WDFY3: variants seen among roughly 807,000 people sequenced by gnomAD.
WDFY3 encodes the protein WD repeat and FYVE domain-containing protein 3.
In WDFY3, 66 loss-of-function variants were observed where a neutral mutation model predicts 409.6. The ratio of observed to expected loss-of-function variants is 0.16; its 90% CI spans 0.13 to 0.20. WDFY3 has a LOEUF of 0.20. WDFY3 is among the 10% of genes least tolerant of loss of function. The probability of loss-of-function intolerance (pLI) is 1.00; values close to 1 mark genes in which losing one functional copy is unlikely to be tolerated. For synonymous variants in WDFY3, 1,521 were observed against 1,537.1 expected, an observed-to-expected ratio of 0.99 and a Z score of 0.25; for missense variants, 3,031 against 4,298.1, an observed-to-expected ratio of 0.71 and a Z score of 8.24.
chr4:84,817,629 AT>A (rs781755808), intron 12 of WDFY3, 44 bp from the exon 13 acceptor site: 1 of 1,502,878 alleles, frequency 6.7e-7, no homozygotes, highest in Admixed American at 2.1e-5. Flanking sequence ...ACTTTAAAAT[AT>A]TCTGAGACAA....
intron 1 of WDFY3, among the ~76,000 whole-genome samples, chr4:84,935,654 G>A (rs1033134109): frequency 1.3e-5 from 2 of 152,072 alleles, no homozygotes; most frequent in Non-Finnish European, 2.9e-5. Context: ...TTGAGATAAG[G>A]GAGCAGAAGC....
Position 84,789,859 on chromosome 4 carries a change from C to T in WDFY3, c.3536G>A (p.Cys1179Tyr). 1.9e-6 allele frequency: 3 copies of T among 1,614,022 alleles called. No homozygotes were observed. The highest frequency in any genetic ancestry group is 2.5e-6 in the Non-Finnish European group (3 of 1,180,020). The change falls in exon 22 of 68, where the codon TGT (cysteine) becomes TAT (tyrosine). Residue 1179 changes from cysteine to tyrosine, a missense_variant. Coordinates refer to ENST00000295888, the MANE Select transcript of WDFY3 (RefSeq NM_014991.6). ...AAGCTCTCCACATCGAAAGCGAGCACAGCATGGGAGAATTTCATAAAATGA... is the reference window on the plus strand; with the variant it reads ...AAGCTCTCCACATCGAAAGCGAGCATAGCATGGGAGAATTTCATAAAATGA... ...ESSFYEILPC[C>Y]ARFRCGELII...
intron 21 of WDFY3, among the ~76,000 whole-genome samples, chr4:84,791,001 C>T (rs1748424359): frequency 6.6e-6 from 1 of 151,978 alleles, no homozygotes; most frequent in Non-Finnish European, 1.5e-5. Flanking sequence ...CCCTTGCGCA[C>T]TGTTGGTGGG....
intron 3 of WDFY3, among the ~76,000 whole-genome samples, chr4:84,881,814 A>T (rs936247503): frequency 8.6e-5 from 13 of 151,896 alleles, no homozygotes; most frequent in African/African-American, 2.2e-4. Flanking sequence ...GCGGTGCGTG[A>T]AGGATGCAGT....
At chr4:84,870,311 G>A (rs1240798822) in intron 3 of WDFY3, among the ~76,000 whole-genome samples, 1 of 152,058 alleles carries the variant, frequency 6.6e-6, no homozygotes, top group Non-Finnish European at 1.5e-5. Context: ...GACTTTTCTT[G>A]GACCCATCAA....
At chr4:84,678,323 A>C in intron 65 of WDFY3, 44 bp from the exon 66 acceptor site, 1 of 1,429,700 alleles carries the variant, frequency 7.0e-7, no homozygotes, top group Non-Finnish European at 9.9e-7. Context: ...CAACTGAGAG[A>C]AGCCAATACT....
chr4:84,778,678 G>T lies in WDFY3; in HGVS notation c.4366-23C>A, dbSNP rs1450249888. On this transcript the variant is annotated intron_variant, in intron 26 of 67. Transcript: ENST00000295888. ...CAACTACAAGAAAGTAATACCAAAT[G>T]CCTGTTGATAAATCATCATATATAT... 3.1e-6 allele frequency: 5 copies of T among 1,594,034 alleles called. No homozygotes were observed. The African/African-American group carries it at 6.8e-5, about 22-fold the overall frequency.
intron 24 of WDFY3, among the ~76,000 whole-genome samples, chr4:84,785,010 G>A (rs80079993): frequency 0.16 from 23,964 of 150,278 alleles, 3,121 homozygotes; most frequent in African/African-American, 0.36. Context: ...ATTATTTATC[G>A]CATTGGCCTC....
intron 45 of WDFY3, 152 bp from the exon 46 acceptor site, chr4:84,724,746 G>C: frequency 1.4e-6 from 1 of 717,548 alleles, no homozygotes; most frequent in Non-Finnish European, 2.0e-6. Flanking sequence ...ACACTTTTGG[G>C]TTAAGTTTCT....
At chr4:84,799,566 TG>T (rs1171584582) in intron 17 of WDFY3, among the ~76,000 whole-genome samples, 1 of 152,128 alleles carries the variant, frequency 6.6e-6, no homozygotes, top group African/African-American at 2.4e-5. Flanking sequence ...TCTGTAACAC[TG>T]CTATTACGAA....
intron 4 of WDFY3, 106 bp from the exon 5 acceptor site, chr4:84,850,131 T>G (rs1437924672): frequency 2.4e-6 from 3 of 1,229,800 alleles, no homozygotes; most frequent in Non-Finnish European, 3.3e-6. Context: ...CAGAAAAGTC[T>G]ACCTACACAG....
At chr4:84,956,573 A>G (rs1774264762) in intron 1 of WDFY3, among the ~76,000 whole-genome samples, 1 of 152,222 alleles carries the variant, frequency 6.6e-6, no homozygotes, top group Non-Finnish European at 1.5e-5. Flanking sequence ...AAACAACTGT[A>G]ATTATTTTTT....
chr4:84,894,604 T>C (rs1254756679), intron 3 of WDFY3, among the ~76,000 whole-genome samples: 2 of 151,960 alleles, frequency 1.3e-5, no homozygotes, highest in Non-Finnish European at 2.9e-5. Flanking sequence ...CTGGCCAACA[T>C]AGTGAAACCC....
intron 33 of WDFY3, among the ~76,000 whole-genome samples, chr4:84,756,662 C>A (rs769090981): frequency 2.6e-5 from 4 of 150,948 alleles, no homozygotes; most frequent in Admixed American, 6.6e-5. Context: ...CAAAAGAGTT[C>A]TTTAGATCAC....
intron 3 of WDFY3, among the ~76,000 whole-genome samples, chr4:84,871,668 ACT>A (rs762711152): frequency 9.9e-5 from 15 of 151,418 alleles, no homozygotes; most frequent in African/African-American, 3.4e-4. Flanking sequence ...ACAGGATTTC[ACT>A]CTGTTACCAG....
At chr4:84,790,243 G>A (rs371382953) in intron 21 of WDFY3, among the ~76,000 whole-genome samples, 12 of 151,928 alleles carry the variant, frequency 7.9e-5, no homozygotes, top group South Asian at 2.1e-4. Context: ...CCAGCTACTC[G>A]GGAGGCTGAG....
At chr4:84,815,552 G>A (rs1206854906) in intron 13 of WDFY3, among the ~76,000 whole-genome samples, 2 of 152,140 alleles carry the variant, frequency 1.3e-5, no homozygotes, top group African/African-American at 4.8e-5. Flanking sequence ...TTTTGGAACA[G>A]TTCCTACGTC....
chr4:84,852,746 C>G (rs1759199375), intron 4 of WDFY3, among the ~76,000 whole-genome samples: 1 of 151,834 alleles, frequency 6.6e-6, no homozygotes. Context: ...TCTATGTTAC[C>G]TGTTAAATAA....
chr4:84,696,719 G>A lies in WDFY3; in HGVS notation c.8688+13C>T, dbSNP rs762922389. 1.5e-5 allele frequency: 24 copies of A among 1,611,204 alleles called. No individual in the cohort carries two copies. The African/African-American group carries it at 1.9e-4, about 13-fold the overall frequency. ...TGAAATTCAACTTCAATTGTAAAATGTACTTCCATTACCTCACGATGGACT... is the reference window on the plus strand; with the variant it reads ...TGAAATTCAACTTCAATTGTAAAATATACTTCCATTACCTCACGATGGACT... On this transcript the variant is annotated intron_variant, in intron 57 of 67. Coordinates refer to ENST00000295888, the MANE Select transcript of WDFY3 (RefSeq NM_014991.6).
Sources: allele counts gnomAD v4.1 joint callset (sites outside exome capture counted in the v4.1 genomes callset), GRCh38; gene constraint gnomAD v4.1.1; transcripts MANE v1.5; gene names NCBI Gene and HGNC (gene_info 2026-07-23, HGNC 2026-07-21).